Variants in SLIT3 observed in about 807,000 individuals in gnomAD.
SLIT3 encodes the protein slit homolog 3 protein.
Under a neutral mutation model 184.0 loss-of-function variants are expected in SLIT3, and 68 were observed. The ratio of observed to expected loss-of-function variants is 0.37; its 90% CI spans 0.30 to 0.45. The LOEUF is 0.45. Ranked by LOEUF, SLIT3 falls within the 20% of genes least tolerant of loss-of-function variation. SLIT3 has a pLI of 1.00. For missense variants in SLIT3, 1,707 were observed against 2,026.0 expected (o/e 0.84, Z 3.02); for synonymous variants, 831 against 828.6 (o/e 1.00, Z -0.05).
intron 23 of SLIT3, among the ~76,000 whole-genome samples, chr5:168,714,476 A>G (rs10052413): frequency 0.18 from 27,984 of 152,080 alleles, 2,786 homozygotes; most frequent in Non-Finnish European, 0.22. Flanking sequence ...CCAGCTACTC[A>G]GGAGGCTGAG....
intron 5 of SLIT3, among the ~76,000 whole-genome samples, chr5:168,851,410 A>G (rs1758676347): frequency 6.6e-6 from 1 of 152,120 alleles, no homozygotes; most frequent in Non-Finnish European, 1.5e-5. Context: ...AATTTCTGGC[A>G]TTTCTAGATA....
chr5:169,007,229 CTG>C (rs895222564), intron 4 of SLIT3, among the ~76,000 whole-genome samples: 4 of 152,116 alleles, frequency 2.6e-5, no homozygotes, highest in African/African-American at 9.7e-5. Context: ...CCATGTGAAA[CTG>C]TGACTCAAAT....
intron 4 of SLIT3, among the ~76,000 whole-genome samples, chr5:169,115,831 G>A (rs955235560): frequency 5.3e-5 from 8 of 152,326 alleles, no homozygotes; most frequent in Admixed American, 2.0e-4. Flanking sequence ...GGTGGGATCC[G>A]ATCCTCACAC....
At chr5:169,002,352 A>AT in intron 4 of SLIT3, among the ~76,000 whole-genome samples, 1 of 147,854 alleles carries the variant, frequency 6.8e-6, no homozygotes, top group Non-Finnish European at 1.5e-5. Context: ...AAAAAAAAAA[A>AT]AAAGAAAAAA....
intron 5 of SLIT3, among the ~76,000 whole-genome samples, chr5:168,846,583 G>C (rs577623178): frequency 3.6e-3 from 541 of 152,052 alleles, no homozygotes; most frequent in Middle Eastern, 6.8e-3. Flanking sequence ...CAGTGGAGTT[G>C]GCTTTTGGCT....
intron 4 of SLIT3, chr5:169,022,190 G>C (rs1287703499): frequency 1.3e-5 from 2 of 152,260 alleles, no homozygotes; most frequent in African/African-American, 4.8e-5. Flanking sequence ...CTGAAAGACA[G>C]CCTTCGAGAG....
intron 4 of SLIT3, among the ~76,000 whole-genome samples, chr5:169,082,416 A>G (rs1759104312): frequency 6.6e-6 from 1 of 152,234 alleles, no homozygotes; most frequent in African/African-American, 2.4e-5. Context: ...ACTTACTTTC[A>G]GAAGAGTAAT....
rs568104751 is a variant in SLIT3 at position 169,272,972 on chromosome 5, A to G, written c.198-21513T>C. ...AGGCATGACCTTTCCCGTTGCTCTC[A>G]GCCAGCTCATGGGTCTCAAGTAGCC... On this transcript the variant is annotated intron_variant, in intron 1 of 35. Transcript: ENST00000519560. Among the ~76,000 whole-genome samples, 182 of 152,296 alleles carry G rather than the reference A, an allele frequency of 1.2e-3. 1 individual carries two copies. Among genetic ancestry groups the G allele is most frequent in the African/African-American group, 4.1e-3 (169 of 41,568 alleles).
At chr5:168,679,378 ATGG>A (rs1317331722) in intron 32 of SLIT3, among the ~76,000 whole-genome samples, 2 of 152,226 alleles carry the variant, frequency 1.3e-5, no homozygotes, top group East Asian at 3.9e-4. Context: ...TTTAATAATA[ATGG>A]TGGATACGTG....
chr5:168,946,381 A>G (rs1475587584), intron 4 of SLIT3, among the ~76,000 whole-genome samples: 1 of 152,208 alleles, frequency 6.6e-6, no homozygotes, highest in East Asian at 1.9e-4. Flanking sequence ...ACCATGGGGC[A>G]GCAGCATTGG....
At chr5:168,947,092 G>T (rs530105591) in intron 4 of SLIT3, among the ~76,000 whole-genome samples, 85 of 152,134 alleles carry the variant, frequency 5.6e-4, no homozygotes, top group African/African-American at 2.0e-3. Context: ...AGTCAGTATT[G>T]TCTATGGAAG....
intron 4 of SLIT3, among the ~76,000 whole-genome samples, chr5:169,122,574 A>G (rs1379101081): frequency 1.3e-5 from 2 of 152,160 alleles, no homozygotes; most frequent in Non-Finnish European, 2.9e-5. Flanking sequence ...TTCCCCCCAC[A>G]CAACAAAGGG....
At chr5:169,097,182 T>A (rs1211846383) in intron 4 of SLIT3, among the ~76,000 whole-genome samples, 1 of 152,196 alleles carries the variant, frequency 6.6e-6, no homozygotes, top group Non-Finnish European at 1.5e-5. Flanking sequence ...CCATTTGCTG[T>A]CTCTACCTGA....
chr5:168,691,384 T>C (rs963952316), intron 29 of SLIT3, among the ~76,000 whole-genome samples: 1 of 152,196 alleles, frequency 6.6e-6, no homozygotes, highest in East Asian at 1.9e-4. Flanking sequence ...AAGTCCTAAG[T>C]CTTGTTGTTT....
In SLIT3 at chr5:169,010,056, C is replaced by G. The variant is rs775243635; in HGVS notation, c.414-126720G>C. Among the ~76,000 whole-genome samples the G allele has an allele frequency of 1.3e-5, 2 of 152,104 alleles. 1 individual carries two copies. The highest frequency in any genetic ancestry group is 4.1e-4 in the South Asian group (2 of 4,826). On this transcript the variant is annotated intron_variant, in intron 4 of 35. Transcript: ENST00000519560. ...CCAGAGGTGAACCAATCGAGTTTTACAGGAGGAAGGAGGCAAACGAGGGTT... is the reference window on the plus strand; with the variant it reads ...CCAGAGGTGAACCAATCGAGTTTTAGAGGAGGAAGGAGGCAAACGAGGGTT...
In SLIT3 at chr5:169,216,053, G is replaced by T. The variant is rs184501878; in HGVS notation, c.342-22503C>A. On this transcript the variant is annotated intron_variant, in intron 3 of 35. Transcript: ENST00000519560. ...AGAGGGGTTTCTTAAAGACAGGGCT[G>T]TGCCTTGCCCTTGGCCAATTCCTCT... 5.9e-4 allele frequency among the ~76,000 whole-genome samples: 90 copies of T among 152,294 alleles called. 2 individuals are homozygous for T. The East Asian group carries it at 0.012, about 20-fold the overall frequency.
intron 1 of SLIT3, among the ~76,000 whole-genome samples, chr5:169,261,361 C>A (rs1199674154): frequency 2.0e-5 from 3 of 152,206 alleles, no homozygotes; most frequent in African/African-American, 7.2e-5. Context: ...AGCCCAGAGG[C>A]ATTGCCTCAG....
chr5:168,839,979 C>T (rs1017269907), intron 6 of SLIT3, among the ~76,000 whole-genome samples: 2 of 152,214 alleles, frequency 1.3e-5, no homozygotes, highest in African/African-American at 4.8e-5. Flanking sequence ...GCATGGGCCT[C>T]TCTCCAGTGC....
intron 5 of SLIT3, among the ~76,000 whole-genome samples, chr5:168,847,310 T>C (rs1192769189): frequency 1.3e-5 from 2 of 152,210 alleles, no homozygotes; most frequent in Admixed American, 6.5e-5. Context: ...ATAACTGAGA[T>C]TGTCTCCTTT....
Sources: allele counts gnomAD v4.1 joint callset (sites outside exome capture counted in the v4.1 genomes callset), GRCh38; gene constraint gnomAD v4.1.1; transcripts MANE v1.5; gene names NCBI Gene and HGNC (gene_info 2026-07-23, HGNC 2026-07-21).